ADORA2B: variants seen among roughly 807,000 people sequenced by gnomAD.
ADORA2B encodes the protein adenosine A2b receptor, also known as adenosine receptor A2b.
In ADORA2B, 18 loss-of-function variants were observed where a neutral mutation model predicts 20.8. That is an observed-to-expected ratio of 0.87 (90% CI 0.60 to 1.29). The LOEUF is 1.29. Among genes scored for constraint, ADORA2B ranks in the 50% most tolerant of loss-of-function variants. The probability of loss-of-function intolerance (pLI) is 0.00; values close to 1 mark genes in which losing one functional copy is unlikely to be tolerated. For synonymous variants in ADORA2B, 179 were observed against 178.3 expected, an observed-to-expected ratio of 1.00 and a Z score of -0.03; for missense variants, 441 against 422.7, an observed-to-expected ratio of 1.04 and a Z score of -0.38.
chr17:15,975,424 A>T lies in ADORA2B; in HGVS notation c.*82A>T. On this transcript the variant is annotated 3_prime_UTR_variant, in exon 2 of 2. Transcript: ENST00000304222. ...ACGGCTGGTTTTCATTGTGAAAGAT[A>T]GCTACACCTCACAAGGAAATGGACT... 1 of 1,423,230 alleles carries T rather than the reference A, an allele frequency of 7.0e-7. No individual in the cohort carries two copies. The highest frequency in any genetic ancestry group is 2.0e-5 in the Admixed American group (1 of 49,960). 88.2% of individuals were successfully genotyped at this position (1,423,230 alleles called of 1,614,324 possible).
At chr17:15,893,834 CATAA>C in the ADORA2B span, among the ~76,000 whole-genome samples, 3 of 152,288 alleles carry the variant, frequency 2.0e-5, no homozygotes, top group African/African-American at 7.2e-5. Flanking sequence ...CTACAATCAC[CATAA>C]CAAGTGTTGG....
chr17:15,894,291 G>A, the ADORA2B span, among the ~76,000 whole-genome samples: 504 of 152,332 alleles, frequency 3.3e-3, 1 homozygote, highest in African/African-American at 0.011. Flanking sequence ...AGGATAAGTC[G>A]TCAAAGAGCC....
the ADORA2B span, among the ~76,000 whole-genome samples, chr17:15,939,598 G>T: frequency 6.6e-6 from 1 of 152,138 alleles, no homozygotes; most frequent in Non-Finnish European, 1.5e-5. Context: ...GCTGGCTCAC[G>T]CCTGTAATCC....
the ADORA2B span, among the ~76,000 whole-genome samples, chr17:15,885,945 C>T: frequency 6.6e-6 from 1 of 152,168 alleles, no homozygotes; most frequent in Admixed American, 6.5e-5. Context: ...GAGCAGTGGA[C>T]ATTTAGGTTA....
At chr17:15,938,847 A>G in the ADORA2B span, among the ~76,000 whole-genome samples, 1 of 152,212 alleles carries the variant, frequency 6.6e-6, no homozygotes, top group Non-Finnish European at 1.5e-5. Flanking sequence ...TTAGGTTTAC[A>G]CTGAAACATA....
At chr17:15,914,789 G>A in the ADORA2B span, among the ~76,000 whole-genome samples, 2 of 152,236 alleles carry the variant, frequency 1.3e-5, no homozygotes, top group African/African-American at 4.8e-5. Context: ...GGCCATTTGA[G>A]AGGATTTTTA....
chr17:15,946,761 G>A (rs1421555814), intron 1 of ADORA2B, among the ~76,000 whole-genome samples: 1 of 152,202 alleles, frequency 6.6e-6, no homozygotes, highest in African/African-American at 2.4e-5. Context: ...ATGGGTGTCA[G>A]AGCCGGGGCT....
intron 1 of ADORA2B, among the ~76,000 whole-genome samples, chr17:15,964,992 G>A (rs931731493): frequency 5.9e-5 from 9 of 152,094 alleles, no homozygotes; most frequent in East Asian, 5.8e-4. Context: ...CCCGGGAGGC[G>A]GAGCTTGCAG....
intron 1 of ADORA2B, among the ~76,000 whole-genome samples, chr17:15,956,185 G>A (rs1356812476): frequency 6.6e-6 from 1 of 152,162 alleles, no homozygotes; most frequent in African/African-American, 2.4e-5. Flanking sequence ...TGAAGACTAA[G>A]GGATTTTAAA....
At chr17:15,945,100 C>A (rs1010184066), upstream of ADORA2B, 3 of 640,274 alleles carry the variant, frequency 4.7e-6, no homozygotes, top group African/African-American at 5.7e-5. Flanking sequence ...CCCGTGGGTC[C>A]CGGCCACCAG....
At chr17:15,853,581 G>C in the ADORA2B span, among the ~76,000 whole-genome samples, 2 of 152,170 alleles carry the variant, frequency 1.3e-5, no homozygotes, top group African/African-American at 4.8e-5. Context: ...TGATGAGATG[G>C]TCAAAATCTT....
chr17:15,887,052 T>C, the ADORA2B span, among the ~76,000 whole-genome samples: 1 of 130,270 alleles, frequency 7.7e-6, no homozygotes, highest in Non-Finnish European at 1.6e-5. Flanking sequence ...TGGGGCCTCC[T>C]GAGTGTCTGT....
the ADORA2B span, among the ~76,000 whole-genome samples, chr17:15,927,183 C>T: frequency 6.6e-6 from 1 of 150,810 alleles, no homozygotes; most frequent in Admixed American, 6.6e-5. Flanking sequence ...CCCATCTCTA[C>T]TAAAAATACA....
At chr17:15,967,200 T>G (rs1970131390) in intron 1 of ADORA2B, among the ~76,000 whole-genome samples, 1 of 149,926 alleles carries the variant, frequency 6.7e-6, no homozygotes, top group Non-Finnish European at 1.5e-5. Flanking sequence ...TTCCTTCCAG[T>G]GTCCTGCCCA....
chr17:15,936,348 T>C, the ADORA2B span, among the ~76,000 whole-genome samples: 1 of 152,120 alleles, frequency 6.6e-6, no homozygotes, highest in Non-Finnish European at 1.5e-5. Flanking sequence ...GATGGAGTCT[T>C]TCTCTTGTCA....
chr17:15,863,579 C>G, the ADORA2B span, among the ~76,000 whole-genome samples: 1,284 of 152,222 alleles, frequency 8.4e-3, 4 homozygotes, highest in Non-Finnish European at 0.013. Context: ...GTTTCAAGCT[C>G]CTGGGCTCAG....
chr17:15,931,842 G>A, the ADORA2B span, among the ~76,000 whole-genome samples: 3 of 151,884 alleles, frequency 2.0e-5, no homozygotes, highest in South Asian at 2.1e-4. Flanking sequence ...AGCCATTCTC[G>A]TGCCTCAGCC....
At chr17:15,935,639 G>A in the ADORA2B span, among the ~76,000 whole-genome samples, 1 of 151,368 alleles carries the variant, frequency 6.6e-6, no homozygotes, top group Non-Finnish European at 1.5e-5. Flanking sequence ...AAATTTTTCT[G>A]TTTCTCTCTC....
At chr17:15,898,905 C>T in the ADORA2B span, among the ~76,000 whole-genome samples, 2 of 152,110 alleles carry the variant, frequency 1.3e-5, no homozygotes, top group African/African-American at 4.8e-5. Context: ...CATTCTTAAA[C>T]ATTTGTTTTT....
Sources: gnomAD v4.1 joint callset for allele counts (sites outside exome capture counted in the v4.1 genomes callset) on GRCh38, gnomAD v4.1.1 for gene constraint, MANE v1.5 for transcripts, NCBI Gene and HGNC (gene_info 2026-07-23, HGNC 2026-07-21) for gene names.